The following CDC42BPB variants were observed in gnomAD, a reference collection of about 807,000 sequenced individuals.
The protein encoded by CDC42BPB is serine/threonine-protein kinase MRCK beta.
In CDC42BPB, 37 loss-of-function variants were observed where a neutral mutation model predicts 214.9. That is an observed-to-expected ratio of 0.17 (90% CI 0.13 to 0.23). The LOEUF (loss-of-function observed/expected upper bound fraction) is 0.23, where lower values mean the gene tolerates loss of function less well. Among genes scored for constraint, CDC42BPB ranks in the 10% least tolerant of loss-of-function variants. The pLI is 1.00. For synonymous variants in CDC42BPB, 931 were observed against 884.0 expected (o/e 1.05, Z -0.94); for missense variants, 1,694 against 2,227.0 (o/e 0.76, Z 4.82).
chr14:102,939,893 C>G lies in CDC42BPB; in HGVS notation c.4646G>C (p.Arg1549Pro), dbSNP rs1251445406. 1 of 1,613,944 alleles carries G rather than the reference C, an allele frequency of 6.2e-7. No individual in the cohort carries two copies. The highest frequency in any genetic ancestry group is 1.3e-5 in the African/African-American group (1 of 74,956). The part of the protein sequence containing the change: ...TSDNSKKQML[R>P]TRSKRRFVFK... Reference sequence around the variant, plus strand: ...GACGAACCGCCTTTTGCTCCTGGTGCGCAGCATCTGCTTCTTGCTGTTGTC... The same window carrying G: ...GACGAACCGCCTTTTGCTCCTGGTGGGCAGCATCTGCTTCTTGCTGTTGTC... Residue 1549 changes from arginine (R) to proline (P), a missense_variant, in exon 33 of 37, where the codon CGC becomes CCC. Arg to Pro is a moderately radical substitution (Grantham distance 103). Coordinates refer to ENST00000361246, the MANE Select transcript of CDC42BPB (RefSeq NM_006035.4).
At chr14:103,010,407 G>C (rs1886084527) in intron 2 of CDC42BPB, among the ~76,000 whole-genome samples, 1 of 152,254 alleles carries the variant, frequency 6.6e-6, no homozygotes, top group South Asian at 2.1e-4. Flanking sequence ...GATGGGACGA[G>C]CCTTGCAGGG....
intron 4 of CDC42BPB, among the ~76,000 whole-genome samples, chr14:103,002,797 C>T (rs1366026578): frequency 6.6e-6 from 1 of 152,128 alleles, no homozygotes; most frequent in African/African-American, 2.4e-5. Context: ...GGAAGACGGA[C>T]GGGGACCCCT....
intron 26 of CDC42BPB, among the ~76,000 whole-genome samples, chr14:102,948,859 A>C (rs1419586188): frequency 2.0e-5 from 3 of 151,994 alleles, no homozygotes; most frequent in African/African-American, 7.3e-5. Context: ...CTTCACCACC[A>C]GGCCAGGGGC....
intron 1 of CDC42BPB, among the ~76,000 whole-genome samples, chr14:103,015,120 C>T (rs964984767): frequency 1.3e-5 from 2 of 152,058 alleles, no homozygotes; most frequent in Non-Finnish European, 2.9e-5. Context: ...GGAGGAACTT[C>T]GAGGCAAGCC....
chr14:102,956,901 A>G (rs2139415830), intron 21 of CDC42BPB, among the ~76,000 whole-genome samples: 1 of 151,618 alleles, frequency 6.6e-6, no homozygotes, highest in Middle Eastern at 3.4e-3. Context: ...ATTATGGGCC[A>G]GGCATGGTGG....
At chr14:102,971,042 C>T (rs891004937) in intron 13 of CDC42BPB, among the ~76,000 whole-genome samples, 1 of 152,202 alleles carries the variant, frequency 6.6e-6, no homozygotes, top group Admixed American at 6.5e-5. Context: ...GGGCTGCAAA[C>T]CCTGGGGTCC....
In CDC42BPB at chr14:102,932,718, C is replaced by G. The variant is rs1366602477; in HGVS notation, c.*994G>C. 6.6e-6 allele frequency: 1 copy of G among 152,542 alleles called. No individual in the cohort carries two copies. The highest frequency in any genetic ancestry group is 2.4e-5 in the African/African-American group (1 of 41,402). The allele number at this position is 152,542 out of a possible 1,614,324, so 9.4% of individuals were successfully genotyped here. ...CCTCTGACGACACAGGGCCACAGAG[C>G]TGGTCACTCAACATCTGGTACAAAG... On this transcript the variant is annotated 3_prime_UTR_variant, in exon 37 of 37. Coordinates refer to ENST00000361246, the MANE Select transcript of CDC42BPB (RefSeq NM_006035.4).
intron 1 of CDC42BPB, among the ~76,000 whole-genome samples, chr14:103,034,515 A>G (rs1040058855): frequency 5.9e-5 from 9 of 152,364 alleles, no homozygotes; most frequent in African/African-American, 2.2e-4. Flanking sequence ...ATAAACTGTT[A>G]AGAAAAGGGA....
chr14:102,990,945 G>A (rs1054080245), intron 5 of CDC42BPB, among the ~76,000 whole-genome samples: 2 of 152,250 alleles, frequency 1.3e-5, no homozygotes, highest in African/African-American at 4.8e-5. Flanking sequence ...TGCTTCCTTA[G>A]AGGAGAAAGC....
chr14:103,015,224 G>A lies in CDC42BPB; in HGVS notation c.176-3036C>T, dbSNP rs75442521. On this transcript the variant is annotated intron_variant, in intron 1 of 36. Transcript: ENST00000361246. ...CAAGTTCCCAAATCAGAGGGCAAAG[G>A]AGAAAAGGGCCCAGAAGGAAAAGCC... 8.3e-3 allele frequency among the ~76,000 whole-genome samples: 1,260 copies of A among 152,294 alleles called. 23 individuals are homozygous for A. Among genetic ancestry groups the A allele is most frequent in the African/African-American group, 0.028 (1,157 of 41,546 alleles).
At chr14:102,978,426 G>T in intron 8 of CDC42BPB, 1 of 702,748 alleles carries the variant, frequency 1.4e-6, no homozygotes, top group Non-Finnish European at 1.7e-6. Flanking sequence ...GCTCACAGGA[G>T]ACACACTCTG....
chr14:102,996,183 C>T (rs1346116110), intron 5 of CDC42BPB, among the ~76,000 whole-genome samples: 1 of 151,822 alleles, frequency 6.6e-6, no homozygotes. Flanking sequence ...ACTAAAAATA[C>T]AAAAAAATTA....
intron 4 of CDC42BPB, among the ~76,000 whole-genome samples, chr14:103,003,510 C>CG (rs1895088276): frequency 6.6e-6 from 1 of 152,238 alleles, no homozygotes; most frequent in Admixed American, 6.5e-5. Flanking sequence ...GCACCCCCCC[C>CG]ACCGCGGGAA....
chr14:102,950,366 T>C, intron 25 of CDC42BPB, 100 bp downstream of exon 25: 1 of 1,473,640 alleles, frequency 6.8e-7, no homozygotes, highest in African/African-American at 1.4e-5. Context: ...CAGGGCCACC[T>C]GCCGCAGCAA....
At chr14:102,966,936 T>C in intron 17 of CDC42BPB, 110 bp downstream of exon 17, 2 of 1,318,756 alleles carry the variant, frequency 1.5e-6, no homozygotes, top group Non-Finnish European at 2.1e-6. Flanking sequence ...CACCCCAGCC[T>C]GAGAGGCACG....
chr14:103,031,278 C>A (rs1411160525), intron 1 of CDC42BPB, among the ~76,000 whole-genome samples: 1 of 152,092 alleles, frequency 6.6e-6, no homozygotes, highest in Non-Finnish European at 1.5e-5. Context: ...GATGTTTTCA[C>A]AGAAGACTTG....
chr14:103,054,568 A>G (rs1888834179), intron 1 of CDC42BPB, among the ~76,000 whole-genome samples: 1 of 152,262 alleles, frequency 6.6e-6, no homozygotes, highest in Non-Finnish European at 1.5e-5. Context: ...GCAACATTAA[A>G]TACTAACTGC....
At chr14:103,011,023 C>CT (rs573714689) in intron 2 of CDC42BPB, among the ~76,000 whole-genome samples, 117 of 152,284 alleles carry the variant, frequency 7.7e-4, no homozygotes, top group African/African-American at 2.7e-3. Context: ...CAGCGAGACT[C>CT]CATCTCAAAA....
At chr14:103,005,336 G>C (rs1002832664) in intron 3 of CDC42BPB, among the ~76,000 whole-genome samples, 3 of 152,198 alleles carry the variant, frequency 2.0e-5, no homozygotes, top group Non-Finnish European at 4.4e-5. Context: ...GCACAGTTCT[G>C]ACCGGCTCTC....
Sources: gnomAD v4.1 joint callset for allele counts (sites outside exome capture counted in the v4.1 genomes callset) on GRCh38, gnomAD v4.1.1 for gene constraint, MANE v1.5 for transcripts, NCBI Gene and HGNC (gene_info 2026-07-23, HGNC 2026-07-21) for gene names.